Variants in KIF1B observed in about 807,000 individuals in gnomAD.
KIF1B encodes kinesin-like protein KIF1B.
In KIF1B, 76 loss-of-function variants were observed where a neutral mutation model predicts 241.9. The observed-to-expected ratio is 0.31, with a 90% CI of 0.26 to 0.38. KIF1B has a LOEUF of 0.38. Among genes scored for constraint, KIF1B ranks in the 10% least tolerant of loss-of-function variants. The pLI is 1.00. For missense variants in KIF1B, 1,622 were observed against 2,271.4 expected, an observed-to-expected ratio of 0.71 and a Z score of 5.81; for synonymous variants, 750 against 796.7, an observed-to-expected ratio of 0.94 and a Z score of 0.99.
chr1:10,223,509 G>T (rs1438858536), intron 1 of KIF1B, among the ~76,000 whole-genome samples: 1 of 149,984 alleles, frequency 6.7e-6, no homozygotes, highest in African/African-American at 2.4e-5. Context: ...AAATTTTGAA[G>T]ATGGTTGCAA....
chr1:10,286,012 T>G (rs572944391), intron 15 of KIF1B, among the ~76,000 whole-genome samples: 1 of 152,240 alleles, frequency 6.6e-6, no homozygotes, highest in African/African-American at 2.4e-5. Context: ...TTTTTCCATA[T>G]GTTAGGTACT....
rs1354464843 is a variant in KIF1B at position 10,295,757 on chromosome 1, A to C, written c.1768A>C (p.Ser590Arg). 1 of 1,613,406 alleles carries C rather than the reference A, an allele frequency of 6.2e-7. No individual in the cohort carries two copies. The highest frequency in any genetic ancestry group is 1.7e-5 in the Admixed American group (1 of 60,018). The stretch of plus-strand genomic sequence containing the variant: ...TATCTTCCGGAGTGAGAGAAGCAAC[A>C]GCGGGGAAGGTGAGCATTCCTGGCT... ...HCIFRSERSN[S>R]GEVIVTLEPC... is the part of the protein sequence containing the mutation. The change falls in exon 19 of 49, where the codon AGC (serine) becomes CGC (arginine). Residue 590 changes from serine (S) to arginine (R), a missense_variant. Ser to Arg is a moderately radical substitution (Grantham distance 110, BLOSUM62 -1). This residue lies in a region of KIF1B where 44 missense variants were observed against 28.6 expected (regional missense o/e 1.54). Transcript: ENST00000676179.
rs144047666 is a variant in KIF1B, at chr1:10,379,327, C to T, written c.*2740C>T. On this transcript the variant is annotated 3_prime_UTR_variant, in exon 49 of 49. Transcript: ENST00000676179. ...GCCAAACTGGACTGTCTGTTCATAG[C>T]GTGCCTGAATAAGAAGGCCTCTTAG... 4 of 231,094 alleles carry T rather than the reference C, an allele frequency of 1.7e-5. No individual in the cohort carries two copies. Among genetic ancestry groups the T allele is most frequent in the East Asian group, 6.1e-5 (1 of 16,280 alleles). The allele number at this position is 231,094 out of a possible 1,614,324, so 14.3% of individuals were successfully genotyped here. A position where few individuals can be genotyped will look rare whatever the true frequency, so the allele number is the denominator to read the frequency against.
chr1:10,289,443 C>A (rs372112555), intron 15 of KIF1B, among the ~76,000 whole-genome samples: 77 of 152,324 alleles, frequency 5.1e-4, no homozygotes, highest in African/African-American at 1.6e-3. Context: ...GCTCACATAT[C>A]ACTGAGTCTG....
chr1:10,353,990 C>T (rs972927431), intron 38 of KIF1B, among the ~76,000 whole-genome samples: 3 of 152,144 alleles, frequency 2.0e-5, no homozygotes, highest in Non-Finnish European at 4.4e-5. Flanking sequence ...GTAAATTTCC[C>T]TAGGGTACTT....
chr1:10,341,984 A>G, intron 32 of KIF1B, 66 bp from the exon 33 acceptor site: 5 of 1,115,884 alleles, frequency 4.5e-6, no homozygotes, highest in South Asian at 3.8e-5. Context: ...AATACGTACT[A>G]AAGTTCTGAT....
Position 10,303,110 on chromosome 1 carries a change from AC to A in KIF1B, c.2115+5865del. ...TTCTTCGATTTAATTTTCCTTTTTT[AC>A]ATTTTAATTTTGGTTATTTTGGGGC... On this transcript the variant is annotated intron_variant, in intron 22 of 48. Transcript: ENST00000676179. This position sits in a 1 kb window ranked among gnomAD's most constrained non-coding sequence, Gnocchi z 5.2. 6.4e-7 allele frequency: 1 copy of A among 1,563,550 alleles called. No homozygotes were observed. The highest frequency in any genetic ancestry group is 8.6e-7 in the Non-Finnish European group (1 of 1,157,828).
intron 2 of KIF1B, among the ~76,000 whole-genome samples, chr1:10,247,744 T>TA (rs1016512611): frequency 2.6e-5 from 4 of 152,306 alleles, no homozygotes; most frequent in African/African-American, 9.6e-5. Flanking sequence ...GTTGGATACT[T>TA]AGAGTGGGAT....
intron 15 of KIF1B, among the ~76,000 whole-genome samples, chr1:10,287,876 CAT>C (rs1399090127): frequency 1.3e-5 from 2 of 152,138 alleles, no homozygotes; most frequent in African/African-American, 4.8e-5. Flanking sequence ...TAAAATATCT[CAT>C]ATGTCAGTTT....
Position 10,374,603 on chromosome 1 carries a change from G to T in KIF1B, c.5096+138G>T. 9.0e-7 allele frequency: 1 copy of T among 1,117,188 alleles called. No individual in the cohort carries two copies. Among genetic ancestry groups the T allele is most frequent in the Non-Finnish European group, 1.3e-6 (1 of 750,532 alleles). 69.2% of individuals were successfully genotyped at this position (1,117,188 alleles called of 1,614,324 possible). On this transcript the variant is annotated intron_variant, in intron 46 of 48. Transcript: ENST00000676179. The surrounding 1 kb of genome is among the most constrained non-coding windows in gnomAD (Gnocchi z 4.3). ...TGTAGTCTGATGCAAGTTGAGTCTG[G>T]GGTGAGAGGGCCAGCCTGGGTTTCT...
chr1:10,372,431 G>A (rs951858128), intron 45 of KIF1B, among the ~76,000 whole-genome samples: 3 of 151,728 alleles, frequency 2.0e-5, no homozygotes, highest in Non-Finnish European at 4.4e-5. Context: ...AGCTACTCAG[G>A]AGGCTCACAT....
At chr1:10,313,258 A>G (rs1269982403) in intron 22 of KIF1B, among the ~76,000 whole-genome samples, 3 of 150,936 alleles carry the variant, frequency 2.0e-5, no homozygotes, top group East Asian at 1.9e-4. Flanking sequence ...AGTAGAGATG[A>G]GTTTTGCCAT....
At chr1:10,322,753 A>G (rs1253707586) in intron 24 of KIF1B, among the ~76,000 whole-genome samples, 1 of 152,184 alleles carries the variant, frequency 6.6e-6, no homozygotes, top group Admixed American at 6.5e-5. Flanking sequence ...CCTCTCCTCA[A>G]GTAGACTAAA....
At position 10,378,171 on chromosome 1, in the gene KIF1B, C is replaced by A; in HGVS notation, c.*1584C>A. 1 of 611,346 alleles carries A rather than the reference C, an allele frequency of 1.6e-6. No individual in the cohort carries two copies. Among genetic ancestry groups the A allele is most frequent in the Non-Finnish European group, 2.9e-6 (1 of 342,676 alleles). 37.9% of individuals were successfully genotyped at this position (611,346 alleles called of 1,614,324 possible). A position where few individuals can be genotyped will look rare whatever the true frequency, so the allele number is the denominator to read the frequency against. On this transcript the variant is annotated 3_prime_UTR_variant, in exon 49 of 49. Transcript: ENST00000676179. ...TCCCAGGATTAAAACTAACCGTGAC[C>A]ACTACTCCAAACAAAACACAATATG...
At chr1:10,305,306 G>A (rs777940325) in intron 22 of KIF1B, 137 of 1,045,624 alleles carry the variant, frequency 1.3e-4, no homozygotes, top group Non-Finnish European at 1.4e-4. Context: ...TCTTTTGAAT[G>A]TATCAGAATA....
intron 31 of KIF1B, 122 bp from the exon 32 acceptor site, chr1:10,339,647 A>G (rs918073923): frequency 1.3e-4 from 103 of 810,450 alleles, no homozygotes; most frequent in Non-Finnish European, 1.5e-4. Context: ...AAAGTAAATA[A>G]CTTAAAGAAT....
intron 2 of KIF1B, among the ~76,000 whole-genome samples, chr1:10,241,372 A>C (rs533418940): frequency 1.3e-5 from 2 of 152,102 alleles, no homozygotes; most frequent in African/African-American, 4.8e-5. Context: ...CCAAAGTGCT[A>C]GGATTACACG....
intron 44 of KIF1B, among the ~76,000 whole-genome samples, chr1:10,369,934 A>G (rs1638681474): frequency 1.3e-5 from 2 of 150,926 alleles, no homozygotes; most frequent in East Asian, 2.0e-4. Context: ...CTCCGCCTCA[A>G]AAAGAAAACA....
Position 10,371,121 on chromosome 1 carries a change from A to G in KIF1B, c.4825-20A>G. ...CTTTTTTCAGCTGAATGTAACTTGT[A>G]GTGTTCGGTTTGCTTCCAGTTGTCT... is the stretch of plus-strand genomic sequence containing the variant. On this transcript the variant is annotated intron_variant, in intron 44 of 48. Transcript: ENST00000676179. 1 of 1,614,110 alleles carries G rather than the reference A, an allele frequency of 6.2e-7. No homozygotes were observed.
Sources: allele counts gnomAD v4.1 joint callset (sites outside exome capture counted in the v4.1 genomes callset), GRCh38; gene constraint gnomAD v4.1.1; regional missense constraint gnomAD v4.1.1; non-coding constraint Gnocchi (gnomAD v3.1); transcripts MANE v1.5; gene names NCBI Gene and HGNC (gene_info 2026-07-23, HGNC 2026-07-21).